The following ANKRD11 variants were observed in gnomAD, a reference collection of about 807,000 sequenced individuals.
ANKRD11 encodes the protein ankyrin repeat domain 11.
ANKRD11 carries 17 observed loss-of-function variants against 195.7 expected under a neutral mutation model. The ratio of observed to expected loss-of-function variants is 0.09; its 90% CI spans 0.06 to 0.13. The LOEUF (loss-of-function observed/expected upper bound fraction) is 0.13, where lower values mean the gene tolerates loss of function less well. Among genes scored for constraint, ANKRD11 ranks in the 10% least tolerant of loss-of-function variants. The probability of loss-of-function intolerance (pLI) is 1.00; values close to 1 mark genes in which losing one functional copy is unlikely to be tolerated. For synonymous variants in ANKRD11, 1,953 were observed against 1,528.1 expected (o/e 1.28, Z -6.49); for missense variants, 3,735 against 3,566.1 (o/e 1.05, Z -1.21).
chr16:89,406,018 G>A (rs763032200), intron 2 of ANKRD11, among the ~76,000 whole-genome samples: 1 of 150,468 alleles, frequency 6.6e-6, no homozygotes, highest in African/African-American at 2.5e-5. Context: ...GCTGAGGTGG[G>A]AGAATCACCT....
intron 1 of ANKRD11, among the ~76,000 whole-genome samples, chr16:89,480,797 A>G (rs1265167283): frequency 6.6e-6 from 1 of 152,210 alleles, no homozygotes; most frequent in East Asian, 1.9e-4. Context: ...TTTAGGCAAC[A>G]CATCTGCCGA....
intron 1 of ANKRD11, among the ~76,000 whole-genome samples, chr16:89,457,151 G>C (rs2056475272): frequency 1.3e-5 from 2 of 150,272 alleles, no homozygotes. Flanking sequence ...AGTAGAGACG[G>C]GGTTTCACCG....
At chr16:89,368,891 T>G (rs2040070408) in intron 2 of ANKRD11, among the ~76,000 whole-genome samples, 1 of 152,010 alleles carries the variant, frequency 6.6e-6, no homozygotes, top group Non-Finnish European at 1.5e-5. Flanking sequence ...GGAGAAAGAC[T>G]CTGTTTCCAA....
At position 89,280,130 on chromosome 16, in the gene ANKRD11, G is replaced by C; in HGVS notation, c.6412C>G (p.Leu2138Val). 1.2e-6 allele frequency: 2 copies of C among 1,612,226 alleles called. No individual in the cohort carries two copies. The highest frequency in any genetic ancestry group is 1.7e-6 in the Non-Finnish European group (2 of 1,179,566). The change falls in exon 9 of 13, where the codon CTG becomes GTG. Residue 2138 changes from leucine (L) to valine (V), a missense_variant. By Grantham distance (32) the Leu-to-Val change is conservative. Coordinates refer to ENST00000301030, the MANE Select transcript of ANKRD11 (RefSeq NM_013275.6). ...TTAGTCTGCAGGGGAAGCTCCGGCA[G>C]GGAGAAGGGCCCCAGGTCCAGGTCG... ...EDDLDLGPFSLPELPLQTKDA... is the reference protein window; with the variant it reads ...EDDLDLGPFSVPELPLQTKDA...
At chr16:89,473,553 G>C (rs1338330769) in intron 1 of ANKRD11, among the ~76,000 whole-genome samples, 1 of 152,224 alleles carries the variant, frequency 6.6e-6, no homozygotes, top group Non-Finnish European at 1.5e-5. Flanking sequence ...GTGGCCACGA[G>C]TCTTGATTCT....
rs766704621 is a variant in ANKRD11 at position 89,282,966 on chromosome 16, G to A, written c.3576C>T (p.Asp1192=). ...RDRRKDRGAA[D]AGRDKKEKVF... ...CTTTCTCTTTTTTGTCTCTCCCCGC[G>A]TCGGCAGCCCCTCGGTCCTTTCTCC... The change falls in exon 9 of 13, where the codon GAC becomes GAT. Residue 1192 remains aspartate (D), a synonymous_variant. Transcript: ENST00000301030. 39 of 1,612,972 alleles carry A rather than the reference G, an allele frequency of 2.4e-5. No homozygotes were observed. Among genetic ancestry groups the A allele is most frequent in the African/African-American group, 1.3e-4 (10 of 74,678 alleles).
intron 1 of ANKRD11, among the ~76,000 whole-genome samples, chr16:89,487,523 C>G (rs1191092923): frequency 6.6e-6 from 1 of 152,182 alleles, no homozygotes; most frequent in African/African-American, 2.4e-5. Flanking sequence ...CGCCTGTAAT[C>G]CCAGCACTTT....
chr16:89,270,996 C>G, intron 11 of ANKRD11, 87 bp from the exon 12 acceptor site: 2 of 1,277,100 alleles, frequency 1.6e-6, no homozygotes, highest in Admixed American at 3.7e-5. Context: ...CTGCAGTGAC[C>G]GTTCTCAAGG....
rs552734531 is a variant in ANKRD11, at chr16:89,268,781, A to G, written c.7807-118T>C. The G allele has an allele frequency of 9.8e-6, 12 of 1,219,922 alleles. No individual in the cohort carries two copies. In the African/African-American group the frequency reaches 1.3e-4, roughly 14 times the overall value. 75.6% of individuals were successfully genotyped at this position (1,219,922 alleles called of 1,614,324 possible). On this transcript the variant is annotated intron_variant, in intron 12 of 12. Coordinates refer to ENST00000301030, the MANE Select transcript of ANKRD11 (RefSeq NM_013275.6). Reference sequence around the variant, plus strand: ...GATACGGCCGTGAACCTACCCTGGTATGGGCCAGGCCCAGCTGTACCCGCT... The same window carrying G: ...GATACGGCCGTGAACCTACCCTGGTGTGGGCCAGGCCCAGCTGTACCCGCT...
intron 2 of ANKRD11, among the ~76,000 whole-genome samples, chr16:89,370,911 G>A (rs1216908813): frequency 6.6e-6 from 1 of 152,104 alleles, no homozygotes; most frequent in Non-Finnish European, 1.5e-5. Flanking sequence ...CCCAAGAACA[G>A]AACCCTGCAG....
At chr16:89,330,441 C>T (rs1030416248) in intron 2 of ANKRD11, among the ~76,000 whole-genome samples, 1 of 152,044 alleles carries the variant, frequency 6.6e-6, no homozygotes, top group Admixed American at 6.6e-5. Context: ...TGGCAGAAGG[C>T]CCAAATTCCT....
At chr16:89,453,744 C>T (rs4785670) in intron 1 of ANKRD11, among the ~76,000 whole-genome samples, 2,316 of 152,246 alleles carry the variant, frequency 0.015, 27 homozygotes, top group Non-Finnish European at 0.022. Context: ...GACCGGATGC[C>T]ACTGACCTGT....
intron 2 of ANKRD11, among the ~76,000 whole-genome samples, chr16:89,401,041 C>T (rs1000278465): frequency 6.6e-6 from 1 of 152,208 alleles, no homozygotes; most frequent in Non-Finnish European, 1.5e-5. Context: ...AAATCCACAA[C>T]ACGCTGGCCC....
chr16:89,418,393 T>A, intron 1 of ANKRD11, 25 bp from the exon 2 acceptor site: 1 of 428,692 alleles, frequency 2.3e-6, no homozygotes. Context: ...TGAGATTAGC[T>A]CATGTCAATA....
At chr16:89,479,972 G>A (rs1446861974) in intron 1 of ANKRD11, among the ~76,000 whole-genome samples, 1 of 149,970 alleles carries the variant, frequency 6.7e-6, no homozygotes, top group Non-Finnish European at 1.5e-5. Flanking sequence ...CTAGCCGGGC[G>A]TGATGGCACA....
intron 1 of ANKRD11, among the ~76,000 whole-genome samples, chr16:89,474,922 G>A (rs1040386045): frequency 2.0e-5 from 3 of 152,240 alleles, no homozygotes; most frequent in Non-Finnish European, 2.9e-5. Context: ...TGATCTAGAA[G>A]GAAAGCTGGG....
rs200238084 is a variant in ANKRD11 at position 89,282,048 on chromosome 16, G to A, written c.4494C>T (p.Asp1498=). Residue 1498 remains aspartate, a synonymous_variant, in exon 9 of 13, where the codon GAC becomes GAT. Transcript: ENST00000301030. ...TGTCCCTGGTGGCGGGCTTCTGCTC[G>A]TCCCTGTGATGCCGCAGGAGCTCGT... ...HRDELLRHHR[D]EQKPATRDKD... 7 of 1,611,914 alleles carry A rather than the reference G, an allele frequency of 4.3e-6. No homozygotes were observed. The highest frequency in any genetic ancestry group is 2.2e-5 in the East Asian group (1 of 44,854).
chr16:89,489,449 C>T (rs1412942172), intron 1 of ANKRD11, among the ~76,000 whole-genome samples: 1 of 148,536 alleles, frequency 6.7e-6, no homozygotes, highest in Non-Finnish European at 1.5e-5. Context: ...CACGGCTGCC[C>T]GCATTCCTGC....
intron 2 of ANKRD11, among the ~76,000 whole-genome samples, chr16:89,337,539 C>T (rs1416776520): frequency 6.8e-6 from 1 of 146,984 alleles, no homozygotes; most frequent in Non-Finnish European, 1.5e-5. Context: ...CGGGTTCACG[C>T]CATTCTCCTG....
Sources: allele counts gnomAD v4.1 joint callset (sites outside exome capture counted in the v4.1 genomes callset), GRCh38; gene constraint gnomAD v4.1.1; transcripts MANE v1.5; gene names NCBI Gene and HGNC (gene_info 2026-07-23, HGNC 2026-07-21).